TELO2: variants seen among roughly 807,000 people sequenced by gnomAD.
TELO2 encodes the protein telomere maintenance 2.
A neutral mutation model predicts 91.0 loss-of-function variants in TELO2; 71 were observed. The ratio of observed to expected loss-of-function variants is 0.78; its 90% CI spans 0.64 to 0.95. TELO2 has a LOEUF of 0.95. TELO2 is among the 40% of genes least tolerant of loss of function. The probability of loss-of-function intolerance (pLI) is 0.00; values close to 1 mark genes in which losing one functional copy is unlikely to be tolerated. For missense variants in TELO2, 1,183 were observed against 1,141.3 expected (o/e 1.04, Z -0.53); for synonymous variants, 584 against 518.9 (o/e 1.13, Z -1.71).
intron 20 of TELO2, among the ~76,000 whole-genome samples, chr16:1,508,616 G>A (rs558732168): frequency 6.6e-6 from 1 of 152,306 alleles, no homozygotes; most frequent in South Asian, 2.1e-4. Context: ...GGATGCTTTT[G>A]GTGAGGTCAC....
chr16:1,506,908 C>A lies in TELO2; in HGVS notation c.2127-44C>A, dbSNP rs751964702. 3.9e-6 allele frequency: 6 copies of A among 1,545,984 alleles called. No homozygotes were observed. The Middle Eastern group carries it at 5.3e-4, about 137-fold the overall frequency. On this transcript the variant is annotated intron_variant, in intron 17 of 20. Coordinates refer to ENST00000262319, the MANE Select transcript of TELO2 (RefSeq NM_016111.4). The stretch of plus-strand genomic sequence containing the variant: ...GTGGCCCAGGAGGTTGGGGACCTGG[C>A]CCTGAGGCACCCGCTGCACCTTGGG...
At chr16:1,501,305 CTGAG>C in intron 9 of TELO2, 111 bp from the exon 10 acceptor site, 2 of 1,132,842 alleles carry the variant, frequency 1.8e-6, no homozygotes, top group Admixed American at 2.3e-5. Flanking sequence ...GGCCCAGCCA[CTGAG>C]TGAGACCGGG....
Position 1,509,948 on chromosome 16 carries a change from C to G in TELO2, c.*12C>G, listed in dbSNP as rs773872085. The G allele has an allele frequency of 2.5e-6, 4 of 1,576,048 alleles. No individual in the cohort carries two copies. In the South Asian group the frequency reaches 4.6e-5, roughly 18 times the overall value. ...CCGCGTCTCCCTAGTCCCTGGAGGC[C>G]TCCCCAGGACCACCCTCGCCGACAG... On this transcript the variant is annotated 3_prime_UTR_variant, in exon 21 of 21. Transcript: ENST00000262319.
chr16:1,496,137 C>G (rs1230078362), intron 3 of TELO2, among the ~76,000 whole-genome samples: 3 of 152,236 alleles, frequency 2.0e-5, no homozygotes, highest in African/African-American at 7.2e-5. Flanking sequence ...CCCCTTCCTT[C>G]TCTTGCCTTT....
intron 9 of TELO2, 30 bp downstream of exon 9, chr16:1,500,729 T>A: frequency 6.2e-7 from 1 of 1,608,404 alleles, no homozygotes; most frequent in East Asian, 2.2e-5. Context: ...CGCGTCCCCG[T>A]GTGGCTGGCC....
At position 1,494,636 on chromosome 16, in the gene TELO2, C is replaced by T. The variant is rs746376912; in HGVS notation, c.335+20C>T. ...TGCGGGGTGAGTGGGCTGGGCCCAT[C>T]CTGGGGTTGCCGGTAGCCTCAGAAG... On this transcript the variant is annotated intron_variant, in intron 2 of 20. Coordinates refer to ENST00000262319, the MANE Select transcript of TELO2 (RefSeq NM_016111.4). This position sits in a 1 kb window ranked among gnomAD's most constrained non-coding sequence, Gnocchi z 5.6. 4 of 1,599,148 alleles carry T rather than the reference C, an allele frequency of 2.5e-6. No individual in the cohort carries two copies. Among genetic ancestry groups the T allele is most frequent in the Admixed American group, 3.5e-5 (2 of 57,844 alleles).
chr16:1,506,178 G>C (rs1422897883), intron 16 of TELO2, 60 bp from the exon 17 acceptor site: 2 of 1,577,002 alleles, frequency 1.3e-6, no homozygotes, highest in Non-Finnish European at 1.7e-6. Context: ...CTCGGGCTAG[G>C]GGTGCCGTGC....
At chr16:1,503,360 G>A (rs569029385) in intron 15 of TELO2, among the ~76,000 whole-genome samples, 2 of 152,340 alleles carry the variant, frequency 1.3e-5, no homozygotes, top group South Asian at 4.1e-4. Flanking sequence ...GAGCCCAGGA[G>A]TTCGAGACCC....
At chr16:1,496,156 C>G (rs1390802577) in intron 3 of TELO2, among the ~76,000 whole-genome samples, 1 of 152,238 alleles carries the variant, frequency 6.6e-6, no homozygotes, top group Non-Finnish European at 1.5e-5. Context: ...TTCCCGAGCT[C>G]CAGGCGACAG....
In TELO2 at chr16:1,493,635, G is replaced by T. The variant is rs2142442091; in HGVS notation, c.-37+30G>T. The T allele has an allele frequency of 6.6e-6, 1 of 152,418 alleles. No homozygotes were observed. Among genetic ancestry groups the T allele is most frequent in the Admixed American group, 6.5e-5 (1 of 15,294 alleles). The allele number at this position is 152,418 out of a possible 1,614,324, so 9.4% of individuals were successfully genotyped here. A position where few individuals can be genotyped will look rare whatever the true frequency, so the allele number is the denominator to read the frequency against. ...GGTTGGGGGTCGGGGATCGGGGATC[G>T]GGGGTCCGGTTGGGTCGGGTTGGGC... On this transcript the variant is annotated intron_variant, in intron 1 of 20. Coordinates refer to ENST00000262319, the MANE Select transcript of TELO2 (RefSeq NM_016111.4). The surrounding 1 kb of genome is among the most constrained non-coding windows in gnomAD (Gnocchi z 4.3).
Position 1,510,079 on chromosome 16 carries a change from C to T in TELO2, c.*143C>T, listed in dbSNP as rs538602199. The T allele has an allele frequency of 2.3e-4, 153 of 668,688 alleles. No homozygotes were observed. The highest frequency in any genetic ancestry group is 1.9e-3 in the East Asian group (68 of 36,298). 41.4% of individuals were successfully genotyped at this position (668,688 alleles called of 1,614,324 possible). ...CGGAGAGTGCAGATGCAGGAAGGCCCGGCCTGCCGCTATTTATAGTGCAGC... is the reference window on the plus strand; with the variant it reads ...CGGAGAGTGCAGATGCAGGAAGGCCTGGCCTGCCGCTATTTATAGTGCAGC... On this transcript the variant is annotated 3_prime_UTR_variant, in exon 21 of 21. Coordinates refer to ENST00000262319, the MANE Select transcript of TELO2 (RefSeq NM_016111.4).
rs767216235 is a variant in TELO2 at position 1,500,499 on chromosome 16, G to A, written c.1144+11G>A. ...GGGACAGCCGGGATGGTGAGCGGGTGGTTTGGGCTCCCCCCGGCCTCGGGC... is the reference window on the plus strand; with the variant it reads ...GGGACAGCCGGGATGGTGAGCGGGTAGTTTGGGCTCCCCCCGGCCTCGGGC... On this transcript the variant is annotated intron_variant, in intron 8 of 20. Transcript: ENST00000262319. The A allele has an allele frequency of 3.1e-6, 5 of 1,610,000 alleles. No homozygotes were observed. In the Admixed American group the frequency reaches 5.0e-5, roughly 16 times the overall value.
chr16:1,496,908 A>T, intron 3 of TELO2, 128 bp from the exon 4 acceptor site: 1 of 849,880 alleles, frequency 1.2e-6, no homozygotes. Context: ...GATGGGCACC[A>T]GCCGTTGTTT....
At chr16:1,506,626 C>T (rs1435333386) in intron 17 of TELO2, 2 of 1,384,054 alleles carry the variant, frequency 1.4e-6, no homozygotes, top group Non-Finnish European at 1.9e-6. Context: ...CTCGCCTCCT[C>T]CTGCCTCAGC....
At chr16:1,501,602 A>G (rs2039682269) in intron 10 of TELO2, 61 bp from the exon 11 acceptor site, 2 of 1,570,618 alleles carry the variant, frequency 1.3e-6, no homozygotes, top group African/African-American at 1.4e-5. Flanking sequence ...CTGTCCTGTG[A>G]GTCCTGAGAC....
intron 15 of TELO2, 27 bp downstream of exon 15, chr16:1,503,029 C>T (rs2039762670): frequency 7.5e-6 from 12 of 1,606,516 alleles, no homozygotes; most frequent in Non-Finnish European, 1.0e-5. Context: ...CCTCAGTCCC[C>T]CTGGTCTGGC....
Position 1,502,459 on chromosome 16 carries a change from C to T in TELO2, c.1653+55C>T, listed in dbSNP as rs536620269. On this transcript the variant is annotated intron_variant, in intron 13 of 20. Coordinates refer to ENST00000262319, the MANE Select transcript of TELO2 (RefSeq NM_016111.4). Reference sequence around the variant, plus strand: ...GCCCAAGATGGTAGCTCCCTCAATGCCATCTGTGTCCTGGCCACTGAGGGT... The same window carrying T: ...GCCCAAGATGGTAGCTCCCTCAATGTCATCTGTGTCCTGGCCACTGAGGGT... 1.1e-5 allele frequency: 17 copies of T among 1,545,224 alleles called. No individual in the cohort carries two copies. In the South Asian group the frequency reaches 1.9e-4, roughly 17 times the overall value.
In TELO2 at chr16:1,501,721, G is replaced by A. The variant is rs2039689103; in HGVS notation, c.1420G>A (p.Asp474Asn). 6.2e-7 allele frequency: 1 copy of A among 1,612,384 alleles called. No homozygotes were observed. The highest frequency in any genetic ancestry group is 1.7e-5 in the Admixed American group (1 of 59,992). Reference protein sequence around the residue: ...PPAETPAEIVDGGVPQAQLAG... With the variant: ...PPAETPAEIVNGGVPQAQLAG... Reference sequence around the variant, plus strand: ...TGCAGAGACCCCCGCAGAGATCGTGGATGGCGGCGTCCCCCAAGCACAGCT... The same window carrying A: ...TGCAGAGACCCCCGCAGAGATCGTGAATGGCGGCGTCCCCCAAGCACAGCT... The change falls in exon 11 of 21, where the codon GAT (aspartate) becomes AAT (asparagine). Residue 474 changes from aspartate (D) to asparagine (N), a missense_variant. Coordinates refer to ENST00000262319, the MANE Select transcript of TELO2 (RefSeq NM_016111.4).
intron 5 of TELO2, 59 bp from the exon 6 acceptor site, chr16:1,499,172 C>T (rs2039590640): frequency 3.2e-6 from 5 of 1,581,684 alleles, no homozygotes; most frequent in East Asian, 4.5e-5. Flanking sequence ...AGTTCACGCT[C>T]TCGCTCCTCC....
Sources: gnomAD v4.1 joint callset for allele counts (sites outside exome capture counted in the v4.1 genomes callset) on GRCh38, gnomAD v4.1.1 for gene constraint, Gnocchi (gnomAD v3.1) non-coding constraint, MANE v1.5 for transcripts, NCBI Gene and HGNC (gene_info 2026-07-23, HGNC 2026-07-21) for gene names.